Variants in ATL2 observed in about 807,000 individuals in gnomAD.
ATL2 encodes atlastin GTPase 2.
In ATL2, 31 loss-of-function variants were observed where a neutral mutation model predicts 73.9. The observed-to-expected ratio is 0.42, with a 90% CI of 0.32 to 0.57. ATL2 has a LOEUF of 0.57. Among genes scored for constraint, ATL2 ranks in the 20% least tolerant of loss-of-function variants. The probability of loss-of-function intolerance (pLI) is 0.14; values close to 1 mark genes in which losing one functional copy is unlikely to be tolerated. For synonymous variants in ATL2, 291 were observed against 237.5 expected, an observed-to-expected ratio of 1.23 and a Z score of -2.07; for missense variants, 738 against 702.6, an observed-to-expected ratio of 1.05 and a Z score of -0.57.
intron 6 of ATL2, among the ~76,000 whole-genome samples, chr2:38,313,739 G>T (rs1241709034): frequency 6.6e-6 from 1 of 152,162 alleles, no homozygotes; most frequent in East Asian, 1.9e-4. Flanking sequence ...ATTCTTAGTT[G>T]TGTGTGGCTG....
chr2:38,345,907 T>C (rs1003212223), intron 1 of ATL2, among the ~76,000 whole-genome samples: 1 of 152,228 alleles, frequency 6.6e-6, no homozygotes, highest in African/African-American at 2.4e-5. Context: ...AGGGTTGTCA[T>C]CAGGATTCAA....
intron 2 of ATL2, among the ~76,000 whole-genome samples, chr2:38,320,730 T>C (rs1028993515): frequency 1.3e-5 from 2 of 152,156 alleles, no homozygotes; most frequent in Non-Finnish European, 2.9e-5. Context: ...AGCTTGGATA[T>C]CTAGTCTAAA....
At chr2:38,357,708 G>A (rs1670760300) in intron 1 of ATL2, among the ~76,000 whole-genome samples, 1 of 144,142 alleles carries the variant, frequency 6.9e-6, no homozygotes, top group African/African-American at 2.6e-5. Context: ...GGGAGGAAAA[G>A]CATTTTCCAA....
intron 1 of ATL2, among the ~76,000 whole-genome samples, chr2:38,370,629 T>C (rs1405744633): frequency 6.6e-6 from 1 of 151,704 alleles, no homozygotes; most frequent in African/African-American, 2.4e-5. Flanking sequence ...AAATTAGGCG[T>C]GGTAGCGGGT....
At position 38,335,603 on chromosome 2, in the gene ATL2, G is replaced by A. The variant is rs571098008; in HGVS notation, c.363+7665C>T. On this transcript the variant is annotated intron_variant, in intron 2 of 12. Transcript: ENST00000378954. ...GAGAGCCGGAGATAGCAGTAACTGG[G>A]AAGGGGAATTAGAGAGCCTCCTAGA... is the stretch of plus-strand genomic sequence containing the variant. Among the ~76,000 whole-genome samples, 4 of 152,232 alleles carry A rather than the reference G, an allele frequency of 2.6e-5. 1 individual carries two copies. The South Asian group carries it at 6.2e-4, about 24-fold the overall frequency.
intron 1 of ATL2, among the ~76,000 whole-genome samples, chr2:38,346,701 C>A (rs892755297): frequency 3.3e-5 from 5 of 152,204 alleles, no homozygotes; most frequent in Non-Finnish European, 7.3e-5. Flanking sequence ...CACCATGGGT[C>A]TGACAGGAGG....
intron 7 of ATL2, among the ~76,000 whole-genome samples, chr2:38,312,914 G>A (rs1464283099): frequency 6.6e-6 from 1 of 152,028 alleles, no homozygotes; most frequent in Non-Finnish European, 1.5e-5. Flanking sequence ...TCCATGGGGG[G>A]CTACCTTTAG....
intron 1 of ATL2, among the ~76,000 whole-genome samples, chr2:38,371,715 T>C (rs1671699437): frequency 6.6e-6 from 1 of 152,002 alleles, no homozygotes; most frequent in Admixed American, 6.6e-5. Flanking sequence ...CTGGCCAACA[T>C]GGTGAAACCC....
chr2:38,309,842 G>A (rs1667649963), intron 8 of ATL2, among the ~76,000 whole-genome samples: 1 of 151,988 alleles, frequency 6.6e-6, no homozygotes, highest in Admixed American at 6.5e-5. Context: ...TCATAAAATT[G>A]TATTAAATTT....
intron 2 of ATL2, among the ~76,000 whole-genome samples, chr2:38,331,233 G>A (rs950431934): frequency 6.6e-6 from 1 of 152,008 alleles, no homozygotes; most frequent in African/African-American, 2.4e-5. Flanking sequence ...AAGAGATGGA[G>A]ACCATCCTGG....
chr2:38,368,276 G>A (rs1671465471), intron 1 of ATL2, among the ~76,000 whole-genome samples: 1 of 147,604 alleles, frequency 6.8e-6, no homozygotes, highest in African/African-American at 2.5e-5. Flanking sequence ...ATTTGAGACG[G>A]AGTTTCACTC....
intron 2 of ATL2, among the ~76,000 whole-genome samples, chr2:38,326,741 A>C (rs1470608200): frequency 1.3e-5 from 2 of 152,170 alleles, no homozygotes; most frequent in Non-Finnish European, 2.9e-5. Context: ...TAATCCCAGC[A>C]CTCGGGGAGG....
intron 1 of ATL2, 130 bp downstream of exon 1, chr2:38,377,000 CCGGCGGGCAGGCG>C: frequency 1.7e-6 from 1 of 592,118 alleles, no homozygotes; most frequent in Non-Finnish European, 2.6e-6. Context: ...GAGGCTAGGC[CCGGCGGGCAGGCG>C]CGGCGGCGGG....
rs141115182 is a variant in ATL2, at chr2:38,303,369, C to T, written c.1072-3041G>A. The stretch of plus-strand genomic sequence containing the variant: ...TACACGCGTGCGCCATCATGCCTGG[C>T]TAATTTTTGTATTTTTTGTAGAGAC... On this transcript the variant is annotated intron_variant, in intron 9 of 12. Transcript: ENST00000378954. Among the ~76,000 whole-genome samples, 984 of 152,068 alleles carry T rather than the reference C, an allele frequency of 6.5e-3. 12 individuals carry two copies. The highest frequency in any genetic ancestry group is 0.023 in the African/African-American group (942 of 41,480).
intron 2 of ATL2, among the ~76,000 whole-genome samples, chr2:38,339,059 T>C (rs577017588): frequency 4.3e-4 from 65 of 151,888 alleles, no homozygotes; most frequent in African/African-American, 1.5e-3. Context: ...CTATTGAAAA[T>C]ACAAAAATTA....
chr2:38,318,708 G>C (rs1668161315), intron 3 of ATL2, 69 bp from the exon 4 acceptor site: 2 of 1,383,522 alleles, frequency 1.4e-6, no homozygotes, highest in African/African-American at 2.9e-5. Context: ...AAAATCAAAT[G>C]ATAAATTTGA....
At chr2:38,297,055 G>C (rs1666934502) in intron 12 of ATL2, among the ~76,000 whole-genome samples, 2 of 152,144 alleles carry the variant, frequency 1.3e-5, no homozygotes, top group African/African-American at 4.8e-5. Flanking sequence ...GTGAGATTGA[G>C]ATAAAAATTT....
At chr2:38,296,723 T>C (rs1288808932) in intron 12 of ATL2, 4 of 1,551,910 alleles carry the variant, frequency 2.6e-6, no homozygotes, top group Non-Finnish European at 2.6e-6. Flanking sequence ...AAAAGAGAAA[T>C]GCAAAGAAAT....
intron 1 of ATL2, among the ~76,000 whole-genome samples, chr2:38,347,835 C>A (rs1339979986): frequency 6.8e-6 from 1 of 147,218 alleles, no homozygotes; most frequent in Non-Finnish European, 1.5e-5. Flanking sequence ...GGTGAGATCT[C>A]GACTCACTGC....
Sources: gnomAD v4.1 joint callset for allele counts (sites outside exome capture counted in the v4.1 genomes callset) on GRCh38, gnomAD v4.1.1 for gene constraint, MANE v1.5 for transcripts, NCBI Gene and HGNC (gene_info 2026-07-23, HGNC 2026-07-21) for gene names.